INPP5D: variants seen among roughly 807,000 people sequenced by gnomAD.
The protein encoded by INPP5D is inositol polyphosphate-5-phosphatase D.
A neutral mutation model predicts 122.9 loss-of-function variants in INPP5D; 33 were observed. The ratio of observed to expected loss-of-function variants is 0.27; its 90% CI spans 0.20 to 0.36. The LOEUF is 0.36. Among genes scored for constraint, INPP5D ranks in the 10% least tolerant of loss-of-function variants. The pLI, the probability that INPP5D is intolerant of heterozygous loss-of-function variation, is 1.00. For missense variants in INPP5D, 1,053 were observed against 1,412.7 expected (o/e 0.75, Z 4.08); for synonymous variants, 584 against 576.2 (o/e 1.01, Z -0.19).
intron 22 of INPP5D, among the ~76,000 whole-genome samples, chr2:233,193,449 G>GT (rs1695103244): frequency 6.6e-6 from 1 of 152,090 alleles, no homozygotes; most frequent in Non-Finnish European, 1.5e-5. Context: ...TTTATTTTAG[G>GT]TTTTTTCTCT....
chr2:233,192,270 T>C (rs1008155507), intron 22 of INPP5D, among the ~76,000 whole-genome samples: 40 of 152,338 alleles, frequency 2.6e-4, no homozygotes, highest in African/African-American at 9.4e-4. Flanking sequence ...AAATCCTGTA[T>C]TTCTGCGACA....
chr2:233,080,420 C>T (rs928178559), intron 2 of INPP5D, among the ~76,000 whole-genome samples: 1 of 129,852 alleles, frequency 7.7e-6, no homozygotes, highest in Non-Finnish European at 1.7e-5. Context: ...GACAAAGTTT[C>T]CACATCCCGG....
chr2:233,201,925 C>A (rs901169338), intron 25 of INPP5D, among the ~76,000 whole-genome samples: 4 of 152,156 alleles, frequency 2.6e-5, no homozygotes, highest in African/African-American at 9.7e-5. Context: ...TTTCTTGTTA[C>A]CTTTGGTCAG....
At chr2:233,150,422 A>G (rs555271935) in intron 9 of INPP5D, among the ~76,000 whole-genome samples, 4 of 152,318 alleles carry the variant, frequency 2.6e-5, no homozygotes, top group Admixed American at 1.3e-4. Context: ...CTGTGAGTCC[A>G]TTAAAACTCT....
At chr2:233,091,584 G>A (rs1236386349) in intron 2 of INPP5D, among the ~76,000 whole-genome samples, 1 of 152,154 alleles carries the variant, frequency 6.6e-6, no homozygotes, top group African/African-American at 2.4e-5. Flanking sequence ...GCCGTTTCTA[G>A]GGCTCTGACT....
chr2:233,193,854 A>C lies in INPP5D; in HGVS notation c.2489A>C (p.Gln830Pro). 1 of 1,613,740 alleles carries C rather than the reference A, an allele frequency of 6.2e-7. No homozygotes were observed. Among genetic ancestry groups the C allele is most frequent in the South Asian group, 1.1e-5 (1 of 91,064 alleles). The change falls in exon 23 of 27, where the codon CAG (glutamine) becomes CCG (proline). Residue 830 changes from glutamine to proline, a missense_variant. Physicochemically the swap from Gln to Pro is moderately conservative, Grantham distance 76. Transcript: ENST00000445964. ...CTTCGGTTAGAGGCCACAGAAACGC[A>C]GCTGCCCATCTACACGCCTCTCACC... ...IALRLEATET[Q>P]LPIYTPLTHH...
chr2:233,169,157 C>A (rs1395266242), intron 13 of INPP5D, 148 bp from the exon 14 acceptor site: 3 of 1,161,690 alleles, frequency 2.6e-6, no homozygotes, highest in Non-Finnish European at 1.2e-6. Context: ...CTCTGCCCAG[C>A]GGCTCCCACC....
intron 1 of INPP5D, among the ~76,000 whole-genome samples, chr2:233,068,562 T>A (rs1191348277): frequency 6.6e-6 from 1 of 152,100 alleles, no homozygotes; most frequent in East Asian, 1.9e-4. Flanking sequence ...GCCATTGCAC[T>A]CCAGCCTGGG....
At position 233,100,501 on chromosome 2, in the gene INPP5D, TC is replaced by T. The variant is rs1398425142; in HGVS notation, c.198+21106del. Among the ~76,000 whole-genome samples, 1 of 152,116 alleles carries T rather than the reference TC, an allele frequency of 6.6e-6. No individual in the cohort carries two copies. On this transcript the variant is annotated intron_variant, in intron 2 of 26. Coordinates refer to ENST00000445964, the MANE Select transcript of INPP5D (RefSeq NM_001017915.3). This position sits in a 1 kb window ranked among gnomAD's most constrained non-coding sequence, Gnocchi z 5.3. ...TAAACTCCAAAACAGCCCACGTTAC[TC>T]CCGGTGACAATCAGAATTCCCCCTG...
chr2:233,115,547 C>T (rs547733782), intron 2 of INPP5D, among the ~76,000 whole-genome samples: 2 of 152,090 alleles, frequency 1.3e-5, no homozygotes, highest in Non-Finnish European at 2.9e-5. Flanking sequence ...TTTAAAGACC[C>T]GGGTGCCCTT....
intron 14 of INPP5D, chr2:233,169,674 A>G (rs1358552042): frequency 3.4e-6 from 2 of 587,974 alleles, no homozygotes; most frequent in South Asian, 2.2e-5. Context: ...TAAAGCAGAA[A>G]GCCTCCTCTG....
At chr2:233,112,813 A>G (rs116687882) in intron 2 of INPP5D, among the ~76,000 whole-genome samples, 1,751 of 152,180 alleles carry the variant, frequency 0.012, 37 homozygotes, top group African/African-American at 0.04. Context: ...CTGAAATTAC[A>G]GGCCTGGCTC....
At chr2:233,067,504 T>C (rs1574699200) in intron 1 of INPP5D, among the ~76,000 whole-genome samples, 1 of 152,266 alleles carries the variant, frequency 6.6e-6, no homozygotes, top group East Asian at 1.9e-4. Flanking sequence ...GTGATGAACA[T>C]TCATATACAA....
Position 233,111,110 on chromosome 2 carries a change from T to G in INPP5D, c.199-10997T>G, listed in dbSNP as rs148262437. On this transcript the variant is annotated intron_variant, in intron 2 of 26. Coordinates refer to ENST00000445964, the MANE Select transcript of INPP5D (RefSeq NM_001017915.3). ...AGTCATATTACTATTATCATTTTTC[T>G]GAATTATTGACAAGTAAGTTGCTGA... Among the ~76,000 whole-genome samples, 375 of 152,356 alleles carry G rather than the reference T, an allele frequency of 2.5e-3. 2 individuals carry two copies. Among genetic ancestry groups the G allele is most frequent in the African/African-American group, 8.5e-3 (355 of 41,580 alleles).
intron 3 of INPP5D, among the ~76,000 whole-genome samples, chr2:233,123,521 G>A (rs1266201753): frequency 6.6e-6 from 1 of 152,082 alleles, no homozygotes; most frequent in African/African-American, 2.4e-5. Flanking sequence ...TTACAGCATA[G>A]GGACAAAGAC....
intron 2 of INPP5D, among the ~76,000 whole-genome samples, chr2:233,118,953 C>T (rs900954758): frequency 4.6e-5 from 7 of 152,228 alleles, no homozygotes; most frequent in Non-Finnish European, 7.3e-5. Flanking sequence ...CAGGCACACG[C>T]GGTGGCCTCA....
At chr2:233,161,181 T>C (rs958183415) in intron 10 of INPP5D, among the ~76,000 whole-genome samples, 1 of 151,930 alleles carries the variant, frequency 6.6e-6, no homozygotes, top group Non-Finnish European at 1.5e-5. Flanking sequence ...AACCTCCACC[T>C]CCTGGGTTCA....
chr2:233,138,303 TAAAAAAAAAAAA>T (rs749510803), intron 5 of INPP5D, among the ~76,000 whole-genome samples: 98 of 103,674 alleles, frequency 9.5e-4, no homozygotes, highest in African/African-American at 4.1e-3. Context: ...TAAGATTGTC[TAAAAAAAAAAAA>T]AAAAAAAAAG....
intron 3 of INPP5D, 76 bp from the exon 4 acceptor site, chr2:233,125,669 A>C: frequency 7.4e-7 from 1 of 1,352,746 alleles, no homozygotes; most frequent in Non-Finnish European, 1.0e-6. Flanking sequence ...CGTGGCCTGG[A>C]CCCCATGGGG....
Sources: allele counts gnomAD v4.1 joint callset (sites outside exome capture counted in the v4.1 genomes callset), GRCh38; gene constraint gnomAD v4.1.1; non-coding constraint Gnocchi (gnomAD v3.1); transcripts MANE v1.5; gene names NCBI Gene and HGNC (gene_info 2026-07-23, HGNC 2026-07-21).